The following IGF2BP3 variants were observed in gnomAD, a reference collection of about 807,000 sequenced individuals.
IGF2BP3 encodes insulin like growth factor 2 mRNA binding protein 3, also known as insulin-like growth factor 2 mRNA-binding protein 3.
In IGF2BP3, 9 loss-of-function variants were observed where a neutral mutation model predicts 73.8. The observed-to-expected ratio is 0.12, with a 90% CI of 0.07 to 0.21. The LOEUF is 0.21. Among genes scored for constraint, IGF2BP3 ranks in the 10% least tolerant of loss-of-function variants. The pLI, the probability that IGF2BP3 is intolerant of heterozygous loss-of-function variation, is 1.00. For missense variants in IGF2BP3, 542 were observed against 714.0 expected (o/e 0.76, Z 2.75); for synonymous variants, 258 against 256.7 (o/e 1.01, Z -0.05).
chr7:23,433,245 G>A (rs979356423), intron 2 of IGF2BP3, among the ~76,000 whole-genome samples: 1 of 151,652 alleles, frequency 6.6e-6, no homozygotes, highest in African/African-American at 2.4e-5. Context: ...TTTTTTCCCA[G>A]CAACAAGATA....
In IGF2BP3 at chr7:23,470,302, G is replaced by A. The variant is rs547982429; in HGVS notation, c.-192C>T. On this transcript the variant is annotated 5_prime_UTR_variant, in exon 1 of 15. Transcript: ENST00000258729. ...CCGAGGCTTGTTTTTTCCTTGTCTA[G>A]ATGTGTTTTAAAAGAGAAAGAAAAG... 2.4e-5 allele frequency: 11 copies of A among 463,686 alleles called. No individual in the cohort carries two copies. Among genetic ancestry groups the A allele is most frequent in the Non-Finnish European group, 3.8e-5 (10 of 263,052 alleles). The allele number at this position is 463,686 out of a possible 1,614,324, so 28.7% of individuals were successfully genotyped here.
In IGF2BP3 at chr7:23,317,694, G is replaced by A. The variant is rs1242853030; in HGVS notation, c.1340C>T (p.Pro447Leu). The A allele has an allele frequency of 6.2e-7, 1 of 1,613,976 alleles. No individual in the cohort carries two copies. Among genetic ancestry groups the A allele is most frequent in the Non-Finnish European group, 8.5e-7 (1 of 1,179,868 alleles). The change falls in exon 12 of 15, where the codon CCA becomes CTA. Residue 447 changes from proline (P) to leucine (L), a missense_variant. Pro to Leu is a moderately conservative substitution (Grantham distance 98). Around this residue, in one of 2 missense-constraint regions of IGF2BP3, gnomAD observed 303 missense variants for 472.1 expected, o/e 0.64. Transcript: ENST00000258729. ...ASIKIAPAEA[P>L]DAKVRMVIIT... The stretch of plus-strand genomic sequence containing the variant: ...AATCACCATCCTCACTTTAGCATCT[G>A]GTGCTTCCGCTGGAGCAATCTGTAA...
intron 3 of IGF2BP3, among the ~76,000 whole-genome samples, chr7:23,378,744 T>A (rs2128515816): frequency 6.6e-6 from 1 of 152,006 alleles, no homozygotes; most frequent in Non-Finnish European, 1.5e-5. Context: ...CAGCTAATTT[T>A]TGTATTTTTA....
At chr7:23,315,869 A>G (rs920224587) in intron 12 of IGF2BP3, among the ~76,000 whole-genome samples, 1 of 152,196 alleles carries the variant, frequency 6.6e-6, no homozygotes, top group African/African-American at 2.4e-5. Context: ...TTTAACTACT[A>G]TGGCTTAAGT....
chr7:23,443,277 C>A (rs957958775), intron 2 of IGF2BP3, among the ~76,000 whole-genome samples: 3 of 151,848 alleles, frequency 2.0e-5, no homozygotes, highest in Admixed American at 6.6e-5. Flanking sequence ...AGGCATGCGC[C>A]ACCACTCCCA....
intron 3 of IGF2BP3, among the ~76,000 whole-genome samples, chr7:23,381,596 TCTCA>T (rs1200955398): frequency 1.3e-5 from 2 of 151,928 alleles, no homozygotes; most frequent in East Asian, 1.9e-4. Flanking sequence ...TTAGATGGAG[TCTCA>T]CTGTGTCACC....
intron 10 of IGF2BP3, 118 bp downstream of exon 10, chr7:23,341,946 G>T: frequency 4.4e-6 from 5 of 1,125,184 alleles, no homozygotes; most frequent in Non-Finnish European, 6.0e-6. Context: ...AAATAAGAAG[G>T]CTCCATTAGC....
chr7:23,342,249 T>C, intron 9 of IGF2BP3, 60 bp from the exon 10 acceptor site: 1 of 1,576,808 alleles, frequency 6.3e-7, no homozygotes, highest in Non-Finnish European at 8.7e-7. Flanking sequence ...AAAGTGAGCA[T>C]TTTTAAGTGA....
At chr7:23,390,932 G>A (rs1583980013) in intron 3 of IGF2BP3, among the ~76,000 whole-genome samples, 1 of 151,072 alleles carries the variant, frequency 6.6e-6, no homozygotes, top group Non-Finnish European at 1.5e-5. Context: ...CTGAGTGGCT[G>A]GGATCACAAG....
At chr7:23,348,751 C>T (rs568884137) in intron 6 of IGF2BP3, among the ~76,000 whole-genome samples, 1 of 152,016 alleles carries the variant, frequency 6.6e-6, no homozygotes, top group Non-Finnish European at 1.5e-5. Flanking sequence ...CAAATGTCTA[C>T]GGGGGTTGGG....
At chr7:23,355,802 G>A (rs571433012) in intron 5 of IGF2BP3, among the ~76,000 whole-genome samples, 13 of 152,086 alleles carry the variant, frequency 8.5e-5, no homozygotes, top group South Asian at 2.1e-4. Flanking sequence ...GCATGGTGGC[G>A]TGAGCCTATA....
Position 23,347,688 on chromosome 7 carries a change from T to C in IGF2BP3, c.730A>G (p.Ile244Val). The C allele has an allele frequency of 1.2e-6, 2 of 1,614,078 alleles. No homozygotes were observed. The highest frequency in any genetic ancestry group is 1.3e-5 in the African/African-American group (1 of 75,004). ...CCTTCAGGAGTAGAGAGGATAGTAA[T>C]CGACTTCTCAGCAGCCCCCGCATTT... ...KENAGAAEKS[I>V]TILSTPEGTS... Residue 244 changes from isoleucine (I) to valine (V), a missense_variant, in exon 7 of 15, where the codon ATT becomes GTT. Ile to Val is a conservative substitution (Grantham distance 29). This residue lies in a region of IGF2BP3 where 303 missense variants were observed against 472.1 expected (regional missense o/e 0.64). Coordinates refer to ENST00000258729, the MANE Select transcript of IGF2BP3 (RefSeq NM_006547.3).
At chr7:23,332,015 T>G (rs1197697902) in intron 10 of IGF2BP3, among the ~76,000 whole-genome samples, 2 of 151,962 alleles carry the variant, frequency 1.3e-5, no homozygotes. Context: ...ATGGGGCAAG[T>G]GTCACACCTT....
At chr7:23,358,111 G>C (rs1292004473) in intron 5 of IGF2BP3, among the ~76,000 whole-genome samples, 1 of 152,192 alleles carries the variant, frequency 6.6e-6, no homozygotes, top group Non-Finnish European at 1.5e-5. Flanking sequence ...TTTCTCAGTA[G>C]CCTCATTAGC....
At chr7:23,391,480 G>A (rs982051086) in intron 3 of IGF2BP3, among the ~76,000 whole-genome samples, 1 of 152,144 alleles carries the variant, frequency 6.6e-6, no homozygotes, top group Non-Finnish European at 1.5e-5. Flanking sequence ...CTTTCCACGG[G>A]TGCAAGGACA....
rs1783839610 is a variant in IGF2BP3 at position 23,311,883 on chromosome 7, AAAT to A, written c.*476_*478del. 2 of 154,384 alleles carry A rather than the reference AAAT, an allele frequency of 1.3e-5. No homozygotes were observed. Among genetic ancestry groups the A allele is most frequent in the Non-Finnish European group, 2.9e-5 (2 of 69,288 alleles). The allele number at this position is 154,384 out of a possible 1,614,324, so 9.6% of individuals were successfully genotyped here. ...GGTTACTCATGTTAGTGTTAGGTAA[AAAT>A]AAAACTGAGAACAGTTTTTCTATGC... On this transcript the variant is annotated 3_prime_UTR_variant, in exon 15 of 15. Coordinates refer to ENST00000258729, the MANE Select transcript of IGF2BP3 (RefSeq NM_006547.3).
chr7:23,449,707 G>A (rs1016062079), intron 2 of IGF2BP3, among the ~76,000 whole-genome samples: 2 of 151,572 alleles, frequency 1.3e-5, no homozygotes, highest in African/African-American at 2.4e-5. Flanking sequence ...ACAGGTATGC[G>A]CTACCACACC....
chr7:23,370,338 G>C (rs1057308768), intron 3 of IGF2BP3, among the ~76,000 whole-genome samples: 1 of 152,190 alleles, frequency 6.6e-6, no homozygotes, highest in South Asian at 2.1e-4. Flanking sequence ...CCATGCTTAA[G>C]CTGGCAGGTA....
intron 2 of IGF2BP3, among the ~76,000 whole-genome samples, chr7:23,448,661 C>T (rs540475753): frequency 2.8e-4 from 43 of 152,128 alleles, no homozygotes; most frequent in African/African-American, 8.9e-4. Context: ...GGCAGAGTCT[C>T]GTTCTATCAC....
Sources: allele counts gnomAD v4.1 joint callset (sites outside exome capture counted in the v4.1 genomes callset), GRCh38; gene constraint gnomAD v4.1.1; regional missense constraint gnomAD v4.1.1; transcripts MANE v1.5; gene names NCBI Gene and HGNC (gene_info 2026-07-23, HGNC 2026-07-21).